The following MYO18B variants were observed in gnomAD, a reference collection of about 807,000 sequenced individuals.
MYO18B encodes myosin XVIIIB.
MYO18B carries 204 observed loss-of-function variants against 273.0 expected under a neutral mutation model. That is an observed-to-expected ratio of 0.75 (90% CI 0.67 to 0.84). The LOEUF (loss-of-function observed/expected upper bound fraction) is 0.84. Ranked by LOEUF, MYO18B falls within the 40% of genes least tolerant of loss-of-function variation. The probability of loss-of-function intolerance (pLI) is 0.00; values close to 1 mark genes in which losing one functional copy is unlikely to be tolerated. For missense variants in MYO18B, 3,212 were observed against 3,287.6 expected (o/e 0.98, Z 0.56); for synonymous variants, 1,330 against 1,305.7 (o/e 1.02, Z -0.40).
intron 20 of MYO18B, among the ~76,000 whole-genome samples, chr22:25,850,679 G>T (rs2090399223): frequency 6.6e-6 from 1 of 152,098 alleles, no homozygotes; most frequent in African/African-American, 2.4e-5. Flanking sequence ...CTGGGCTCAA[G>T]TAATTCTCCC....
chr22:25,929,292 G>A (rs1260747179), intron 34 of MYO18B, among the ~76,000 whole-genome samples: 1 of 152,060 alleles, frequency 6.6e-6, no homozygotes, highest in Non-Finnish European at 1.5e-5. Context: ...AAGACCTCTT[G>A]GAACAGGTAG....
Position 26,027,201 on chromosome 22 carries a change from C to T in MYO18B, c.7227C>T (p.Arg2409=), listed in dbSNP as rs549606626. 5.4e-5 allele frequency: 87 copies of T among 1,613,956 alleles called. No homozygotes were observed. In the East Asian group the frequency reaches 1.9e-3, roughly 36 times the overall value. ...LGKEPLVFQN[R]QFAHLMEEPL... ...AGGAGCCGCTTGTTTTCCAGAACCGCCAGTTTGCCCACCTGATGGAGGAAC... is the reference window on the plus strand; with the variant it reads ...AGGAGCCGCTTGTTTTCCAGAACCGTCAGTTTGCCCACCTGATGGAGGAAC... Residue 2409 remains arginine, a synonymous_variant, in exon 43 of 44, where the codon CGC becomes CGT. Transcript: ENST00000335473. The surrounding 1 kb of genome is among the most constrained non-coding windows in gnomAD (Gnocchi z 4.1).
chr22:25,798,049 C>T lies in MYO18B; in HGVS notation c.2473C>T (p.Arg825Trp), dbSNP rs532925728. ...ISESEQRAVW[R>W]VLAAIYHLGA... ...AGAGAGCGAGCAGCGGGCTGTTTGG[C>T]GGGTCCTGGCAGCCATCTACCACCT... The change falls in exon 12 of 44, where the codon CGG (arginine) becomes TGG (tryptophan). Residue 825 changes from arginine to tryptophan, a missense_variant. By Grantham distance (101) the Arg-to-Trp change is moderately radical. Coordinates refer to ENST00000335473, the MANE Select transcript of MYO18B (RefSeq NM_032608.7). 1.9e-5 allele frequency: 30 copies of T among 1,612,190 alleles called. No homozygotes were observed. The highest frequency in any genetic ancestry group is 1.7e-4 in the Middle Eastern group (1 of 6,044).
chr22:25,905,251 A>G (rs1454116021), intron 31 of MYO18B, among the ~76,000 whole-genome samples: 1 of 152,136 alleles, frequency 6.6e-6, no homozygotes, highest in East Asian at 1.9e-4. Flanking sequence ...GTATCAAGAC[A>G]TGTGGGTGGT....
downstream of MYO18B, among the ~76,000 whole-genome samples, chr22:26,033,857 C>G (rs1388805093): frequency 2.1e-5 from 3 of 144,754 alleles, no homozygotes; most frequent in Non-Finnish European, 4.5e-5. Flanking sequence ...TTCTTTTTCT[C>G]TTCCTCCCTT....
rs760695745 is a variant in MYO18B at position 26,027,185 on chromosome 22, T to G, written c.7211T>G (p.Leu2404Arg). Residue 2404 changes from leucine (L) to arginine (R), a missense_variant, in exon 43 of 44, where the codon CTT (leucine) becomes CGT (arginine). Transcript: ENST00000335473. This position sits in a 1 kb window ranked among gnomAD's most constrained non-coding sequence, Gnocchi z 4.1. ...TGTCCAGACCTTGGAAAGGAGCCGC[T>G]TGTTTTCCAGAACCGCCAGTTTGCC... ...AGCPDLGKEP[L>R]VFQNRQFAHL... 6.2e-7 allele frequency: 1 copy of G among 1,613,894 alleles called. No homozygotes were observed. The highest frequency in any genetic ancestry group is 1.3e-5 in the African/African-American group (1 of 75,016).
At chr22:25,874,172 C>A in intron 22 of MYO18B, 114 bp from the exon 23 acceptor site, 1 of 1,322,088 alleles carries the variant, frequency 7.6e-7, no homozygotes, top group South Asian at 1.4e-5. Flanking sequence ...AGGGCAACTG[C>A]CAACAAATAT....
At chr22:26,021,685 G>A (rs918188565) in intron 42 of MYO18B, among the ~76,000 whole-genome samples, 11 of 152,190 alleles carry the variant, frequency 7.2e-5, no homozygotes, top group African/African-American at 2.7e-4. Flanking sequence ...GAGAAGTTAG[G>A]CAATGGTCCC....
chr22:25,965,149 G>A (rs73414075), intron 39 of MYO18B: 2 of 152,224 alleles, frequency 1.3e-5, no homozygotes, highest in Non-Finnish European at 2.9e-5. Context: ...ACCACTTATG[G>A]CTCTACTTCT....
At chr22:25,758,760 A>ATT (rs780789313) in intron 1 of MYO18B, among the ~76,000 whole-genome samples, 9 of 143,782 alleles carry the variant, frequency 6.3e-5, no homozygotes, top group African/African-American at 1.3e-4. Context: ...GGTGATGAGA[A>ATT]TTTTTTTTTT....
chr22:25,779,977 G>A, intron 8 of MYO18B, 79 bp from the exon 9 acceptor site: 2 of 1,469,772 alleles, frequency 1.4e-6, no homozygotes, highest in Non-Finnish European at 1.8e-6. Context: ...AGGGGCCGTG[G>A]AAAAGGTGGA....
intron 39 of MYO18B, chr22:25,959,233 T>A (rs1272276202): frequency 6.6e-6 from 1 of 151,990 alleles, no homozygotes; most frequent in Non-Finnish European, 1.5e-5. Context: ...CAAGTCCATT[T>A]CTTTGGGCAA....
At chr22:25,930,503 T>G (rs1208495105) in intron 34 of MYO18B, among the ~76,000 whole-genome samples, 1 of 147,524 alleles carries the variant, frequency 6.8e-6, no homozygotes, top group East Asian at 2.0e-4. Context: ...GGCTATTACA[T>G]CCTTTTTAAT....
At chr22:26,000,300 A>C (rs1933828623) in intron 40 of MYO18B, among the ~76,000 whole-genome samples, 1 of 152,230 alleles carries the variant, frequency 6.6e-6, no homozygotes, top group Admixed American at 6.5e-5. Context: ...ATTCTAGCTT[A>C]GGATGGAGTG....
At position 25,902,569 on chromosome 22, in the gene MYO18B, C is replaced by T. The variant is rs5996998; in HGVS notation, c.4824-44C>T. On this transcript the variant is annotated intron_variant, in intron 29 of 43. Coordinates refer to ENST00000335473, the MANE Select transcript of MYO18B (RefSeq NM_032608.7). ...TGCCCCTGCCTCAATCACTCCCCTG[C>T]CCACCTGCCTACGGGGCCCTGACAC... 1.9e-3 allele frequency: 2,996 copies of T among 1,581,540 alleles called. 49 individuals carry two copies. In the African/African-American group the frequency reaches 0.036, roughly 19 times the overall value.
In MYO18B at chr22:25,946,445, C is replaced by T. The variant is rs73414040; in HGVS notation, c.5631+195C>T. On this transcript the variant is annotated intron_variant, in intron 35 of 43. Transcript: ENST00000335473. ...CAGCTCTGTAAGAGGGACAAGGGGACTTATTGTAGACCTACTAGGTGCTCA... is the reference window on the plus strand; with the variant it reads ...CAGCTCTGTAAGAGGGACAAGGGGATTTATTGTAGACCTACTAGGTGCTCA... 0.017 allele frequency among the ~76,000 whole-genome samples: 2,531 copies of T among 152,092 alleles called. 56 individuals carry two copies. The highest frequency in any genetic ancestry group is 0.055 in the African/African-American group (2,268 of 41,488).
At chr22:25,906,417 G>T (rs746549691) in intron 31 of MYO18B, among the ~76,000 whole-genome samples, 4 of 152,200 alleles carry the variant, frequency 2.6e-5, no homozygotes, top group Non-Finnish European at 5.9e-5. Context: ...GCCAGAAACT[G>T]TAACAGGGCC....
At chr22:25,923,967 G>A (rs1242940039) in intron 34 of MYO18B, among the ~76,000 whole-genome samples, 2 of 152,116 alleles carry the variant, frequency 1.3e-5, no homozygotes, top group African/African-American at 2.4e-5. Flanking sequence ...GGCGCTTTGA[G>A]CTGAATCAAA....
chr22:25,886,593 C>T (rs796686245), intron 25 of MYO18B, among the ~76,000 whole-genome samples: 30 of 152,288 alleles, frequency 2.0e-4, no homozygotes, highest in African/African-American at 7.2e-4. Context: ...GGTTGAGGTC[C>T]AGATCTTACT....
Sources: allele counts gnomAD v4.1 joint callset (sites outside exome capture counted in the v4.1 genomes callset), GRCh38; gene constraint gnomAD v4.1.1; non-coding constraint Gnocchi (gnomAD v3.1); transcripts MANE v1.5; gene names NCBI Gene and HGNC (gene_info 2026-07-23, HGNC 2026-07-21).